The following IST1 variants were observed in gnomAD, a reference collection of about 807,000 sequenced individuals.
The protein encoded by IST1 is IST1 factor associated with ESCRT-III.
In IST1, 23 loss-of-function variants were observed where a neutral mutation model predicts 37.0. The observed-to-expected ratio is 0.62, with a 90% CI of 0.45 to 0.88. The LOEUF is 0.88. IST1 is among the 40% of genes least tolerant of loss of function. IST1 has a pLI of 0.00. For missense variants in IST1, 488 were observed against 445.4 expected, an observed-to-expected ratio of 1.10 and a Z score of -0.86; for synonymous variants, 180 against 161.7, an observed-to-expected ratio of 1.11 and a Z score of -0.86.
chr16:71,902,431 GGCTAATTTTT>G (rs1366018682), intron 1 of IST1, among the ~76,000 whole-genome samples: 2 of 152,008 alleles, frequency 1.3e-5, no homozygotes, highest in African/African-American at 4.8e-5. Context: ...CACCACGCCT[GGCTAATTTTT>G]GTATTTTTAG....
At chr16:71,903,774 G>A (rs1000516599) in intron 1 of IST1, 2 of 152,292 alleles carry the variant, frequency 1.3e-5, no homozygotes, top group African/African-American at 4.8e-5. Flanking sequence ...ACACTGCTGT[G>A]TTGGGTGTAA....
rs772628981 is a variant in IST1 at position 71,924,774 on chromosome 16, T to C, written c.858T>C (p.Asp286=). The part of the protein sequence containing the change: ...PATPPSYESV[D]DINADKNISS... ...TAACAATCTTTGTGTTTCAGGTAGA[T>C]GACATTAATGCTGATAAGAATATCT... Residue 286 remains aspartate, a synonymous_variant, in exon 9 of 10, where the codon GAT becomes GAC. Transcript: ENST00000378799. 8 of 1,607,956 alleles carry C rather than the reference T, an allele frequency of 5.0e-6. No individual in the cohort carries two copies. In the African/African-American group the frequency reaches 8.0e-5, roughly 16 times the overall value.
rs373292110 is a variant in IST1, at chr16:71,912,328, C to G, written c.-15-3298C>G. ...TCTCAGCTTACTGCAAGCTCCGCCTCCTGGGTTCACGCCATTCTCTTGCCT... is the reference window on the plus strand; with the variant it reads ...TCTCAGCTTACTGCAAGCTCCGCCTGCTGGGTTCACGCCATTCTCTTGCCT... On this transcript the variant is annotated intron_variant, in intron 1 of 9. Transcript: ENST00000378799. Among the ~76,000 whole-genome samples, 11 of 152,226 alleles carry G rather than the reference C, an allele frequency of 7.2e-5. No homozygotes were observed. In the South Asian group the frequency reaches 1.9e-3, roughly 26 times the overall value.
rs1393242429 is a variant in IST1, at chr16:71,930,989, G to A, written c.*3176G>A. 4 of 152,124 alleles carry A rather than the reference G, an allele frequency of 2.6e-5. No individual in the cohort carries two copies. Among genetic ancestry groups the A allele is most frequent in the Admixed American group, 2.0e-4 (3 of 15,258 alleles). 9.4% of individuals were successfully genotyped at this position (152,124 alleles called of 1,614,324 possible). The stretch of plus-strand genomic sequence containing the variant: ...AAAATGATTATTATAACAATTTCAG[G>A]TCAACCAGATAATGTGGGCAATCTC... On this transcript the variant is annotated 3_prime_UTR_variant, in exon 10 of 10. Coordinates refer to ENST00000378799, the MANE Select transcript of IST1 (RefSeq NM_001270975.2).
chr16:71,894,439 T>C (rs982849343), upstream of IST1: 6 of 161,854 alleles, frequency 3.7e-5, no homozygotes, highest in African/African-American at 1.2e-4. Context: ...AGAGACGGGG[T>C]TCCTCTGTGT....
In IST1 at chr16:71,928,431, A is replaced by C. The variant is rs1483555723; in HGVS notation, c.*618A>C. 6.5e-6 allele frequency: 1 copy of C among 152,910 alleles called. No individual in the cohort carries two copies. The highest frequency in any genetic ancestry group is 2.4e-5 in the African/African-American group (1 of 41,400). The allele number at this position is 152,910 out of a possible 1,614,324, so 9.5% of individuals were successfully genotyped here. A position where few individuals can be genotyped will look rare whatever the true frequency, so the allele number is the denominator to read the frequency against. ...GGATCCAGTTGCAAAGTTTGTCTTG[A>C]CAGTTGAAGGCCTCGCTTAGTTGTA... On this transcript the variant is annotated 3_prime_UTR_variant, in exon 10 of 10. Transcript: ENST00000378799.
At chr16:71,902,866 AT>A (rs951338097) in intron 1 of IST1, among the ~76,000 whole-genome samples, 25 of 149,526 alleles carry the variant, frequency 1.7e-4, no homozygotes, top group Non-Finnish European at 2.4e-4. Flanking sequence ...AGTTTCCTTG[AT>A]TTTTTTTCTA....
rs1170787614 is a variant in IST1 at position 71,929,487 on chromosome 16, G to C, written c.*1674G>C. On this transcript the variant is annotated 3_prime_UTR_variant, in exon 10 of 10. Coordinates refer to ENST00000378799, the MANE Select transcript of IST1 (RefSeq NM_001270975.2). ...TAATTTTAAAGCTATGCCATGCAAA[G>C]ATAAGTAGTAATACGCTAATAAATA... 2 of 1,466,206 alleles carry C rather than the reference G, an allele frequency of 1.4e-6. No homozygotes were observed. The highest frequency in any genetic ancestry group is 2.7e-5 in the Admixed American group (1 of 37,514). The allele number at this position is 1,466,206 out of a possible 1,614,324, so 90.8% of individuals were successfully genotyped here.
chr16:71,916,525 G>A lies in IST1; in HGVS notation c.152G>A (p.Arg51Gln). Residue 51 changes from arginine (R) to glutamine (Q), a missense_variant, in exon 3 of 10, where the codon CGA becomes CAA. Around this residue, in one of 2 missense-constraint regions of IST1, gnomAD observed 33 missense variants for 59.3 expected, o/e 0.56. Coordinates refer to ENST00000378799, the MANE Select transcript of IST1 (RefSeq NM_001270975.2). Reference protein sequence around the residue: ...ADYLAAGKDERARIRVEHIIR... With the variant: ...ADYLAAGKDEQARIRVEHIIR... Reference sequence around the variant, plus strand: ...TATCTGGCTGCTGGGAAAGATGAACGAGCTCGGATCCGTGTGGAGCACATT... The same window carrying A: ...TATCTGGCTGCTGGGAAAGATGAACAAGCTCGGATCCGTGTGGAGCACATT... 6.2e-7 allele frequency: 1 copy of A among 1,613,710 alleles called. No individual in the cohort carries two copies.
chr16:71,895,718 A>C (rs1255602945), intron 1 of IST1, 129 bp downstream of exon 1: 1 of 229,216 alleles, frequency 4.4e-6, no homozygotes, highest in East Asian at 1.8e-4. Flanking sequence ...CTGAGGAGAA[A>C]GGGAAGGATA....
At chr16:71,920,483 A>C (rs771125304) in intron 4 of IST1, among the ~76,000 whole-genome samples, 17 of 152,254 alleles carry the variant, frequency 1.1e-4, no homozygotes, top group Non-Finnish European at 2.2e-4. Context: ...TATAAGAGTA[A>C]GAACAGTATC....
chr16:71,902,301 G>T (rs867409696), intron 1 of IST1, among the ~76,000 whole-genome samples: 43 of 152,172 alleles, frequency 2.8e-4, no homozygotes, highest in Middle Eastern at 3.4e-3. Flanking sequence ...ACAAAGTCTG[G>T]CTCTGTCATC....
intron 4 of IST1, among the ~76,000 whole-genome samples, chr16:71,918,191 GAGCCC>G (rs2037506288): frequency 6.6e-6 from 1 of 152,154 alleles, no homozygotes; most frequent in African/African-American, 2.4e-5. Flanking sequence ...GCATTTCTGA[GAGCCC>G]AGTGGAGAAG....
intron 1 of IST1, among the ~76,000 whole-genome samples, chr16:71,897,684 G>A (rs977862769): frequency 5.9e-5 from 9 of 152,182 alleles, no homozygotes; most frequent in African/African-American, 2.2e-4. Flanking sequence ...GGTGGCTCAC[G>A]CCTGTAATCC....
At chr16:71,915,585 T>C in intron 1 of IST1, 41 bp from the exon 2 acceptor site, 1 of 1,403,564 alleles carries the variant, frequency 7.1e-7, no homozygotes, top group Non-Finnish European at 9.9e-7. Context: ...CCTGAACTAA[T>C]GTTGACTTGA....
intron 1 of IST1, among the ~76,000 whole-genome samples, chr16:71,903,430 C>G (rs2037153548): frequency 6.6e-6 from 1 of 152,082 alleles, no homozygotes; most frequent in Admixed American, 6.6e-5. Context: ...TCTTTGACCT[C>G]CAAGCAGTTC....
chr16:71,922,466 T>C lies in IST1; in HGVS notation c.553-8T>C. 6.2e-7 allele frequency: 1 copy of C among 1,613,216 alleles called. No individual in the cohort carries two copies. Among genetic ancestry groups the C allele is most frequent in the Non-Finnish European group, 8.5e-7 (1 of 1,179,478 alleles). The stretch of plus-strand genomic sequence containing the variant: ...GGTTAATGACCTGGGTTTCTCTTTT[T>C]TTCTCAGGCAGAAGCTCCTCCTGGG... On this transcript the variant is annotated splice_region_variant and splice_polypyrimidine_tract_variant and intron_variant, in intron 6 of 9. Coordinates refer to ENST00000378799, the MANE Select transcript of IST1 (RefSeq NM_001270975.2).
chr16:71,920,913 C>T (rs780387677), intron 5 of IST1, 91 bp downstream of exon 5: 1 of 922,086 alleles, frequency 1.1e-6, no homozygotes, highest in Non-Finnish European at 1.8e-6. Context: ...CACTGTATTG[C>T]TCAGTATGGG....
Position 71,929,466 on chromosome 16 carries a change from T to A in IST1, c.*1653T>A. 1 of 1,378,462 alleles carries A rather than the reference T, an allele frequency of 7.3e-7. No individual in the cohort carries two copies. The highest frequency in any genetic ancestry group is 9.7e-7 in the Non-Finnish European group (1 of 1,033,034). The allele number at this position is 1,378,462 out of a possible 1,614,324, so 85.4% of individuals were successfully genotyped here. A position where few individuals can be genotyped will look rare whatever the true frequency, so the allele number is the denominator to read the frequency against. On this transcript the variant is annotated 3_prime_UTR_variant, in exon 10 of 10. Transcript: ENST00000378799. ...AATTAAAAACAAAGTATATTATAATTTTAAAGCTATGCCATGCAAAGATAA... is the reference window on the plus strand; with the variant it reads ...AATTAAAAACAAAGTATATTATAATATTAAAGCTATGCCATGCAAAGATAA...
Sources: allele counts gnomAD v4.1 joint callset (sites outside exome capture counted in the v4.1 genomes callset), GRCh38; gene constraint gnomAD v4.1.1; regional missense constraint gnomAD v4.1.1; transcripts MANE v1.5; gene names NCBI Gene and HGNC (gene_info 2026-07-23, HGNC 2026-07-21).